The following ATP5F1C variants were observed in gnomAD, a reference collection of about 807,000 sequenced individuals.
ATP5F1C encodes the protein ATP synthase F(1) complex subunit gamma, mitochondrial.
Under a neutral mutation model 37.4 loss-of-function variants are expected in ATP5F1C, and 22 were observed. That is an observed-to-expected ratio of 0.59 (90% CI 0.42 to 0.84). ATP5F1C has a LOEUF of 0.84. Among genes scored for constraint, ATP5F1C ranks in the 40% least tolerant of loss-of-function variants. ATP5F1C has a pLI of 0.00. For missense variants in ATP5F1C, 286 were observed against 362.4 expected (o/e 0.79, Z 1.71); for synonymous variants, 121 against 128.0 (o/e 0.95, Z 0.37).
At chr10:7,805,327 T>C (rs1367389207) in intron 8 of ATP5F1C, among the ~76,000 whole-genome samples, 1 of 152,214 alleles carries the variant, frequency 6.6e-6, no homozygotes, top group Non-Finnish European at 1.5e-5. Context: ...TTCTGAAGGT[T>C]TGTGGGCTGT....
At chr10:7,805,764 A>G (rs915003382) in intron 8 of ATP5F1C, among the ~76,000 whole-genome samples, 3 of 151,630 alleles carry the variant, frequency 2.0e-5, no homozygotes, top group East Asian at 1.9e-4. Context: ...AAAAAAAAAA[A>G]AAAAAGAAAT....
At chr10:7,807,488 C>T (rs542117345) in intron 9 of ATP5F1C, among the ~76,000 whole-genome samples, 171 bp from the exon 10 acceptor site, 1 of 152,228 alleles carries the variant, frequency 6.6e-6, no homozygotes, top group East Asian at 1.9e-4. Context: ...CCTCATGAAC[C>T]CCATGAAAGG....
At chr10:7,792,222 G>C (rs1380647960) in intron 1 of ATP5F1C, among the ~76,000 whole-genome samples, 2 of 152,130 alleles carry the variant, frequency 1.3e-5, no homozygotes, top group Non-Finnish European at 2.9e-5. Flanking sequence ...GTCAGGATTT[G>C]CCAGCTTTTA....
chr10:7,807,041 T>A, intron 9 of ATP5F1C, 31 bp downstream of exon 9: 1 of 1,586,752 alleles, frequency 6.3e-7, no homozygotes, highest in African/African-American at 1.3e-5. Context: ...CCATGTCTGT[T>A]CAGAAAAGAA....
chr10:7,791,307 A>C (rs1031323647), intron 1 of ATP5F1C, among the ~76,000 whole-genome samples: 1 of 152,024 alleles, frequency 6.6e-6, no homozygotes, highest in East Asian at 1.9e-4. Flanking sequence ...TCAAAAACAA[A>C]AAAAAAAAGA....
In ATP5F1C at chr10:7,799,118, G is replaced by A. The variant is rs1588500208; in HGVS notation, c.352G>A (p.Val118Ile). 4 of 1,613,956 alleles carry A rather than the reference G, an allele frequency of 2.5e-6. No homozygotes were observed. Among genetic ancestry groups the A allele is most frequent in the Non-Finnish European group, 3.4e-6 (4 of 1,179,956 alleles). The change falls in exon 4 of 10, where the codon GTT (valine) becomes ATT (isoleucine). Residue 118 changes from valine (V) to isoleucine (I), a missense_variant. Physicochemically the swap from Val to Ile is conservative, Grantham distance 29 (BLOSUM62 3). Coordinates refer to ENST00000356708, the MANE Select transcript of ATP5F1C (RefSeq NM_001001973.3). ...CATTGCTAAACAGATGAAAAGCGAG[G>A]TTGCTACACTAACAGCAGCTGGGAA... is the stretch of plus-strand genomic sequence containing the variant. ...SSIAKQMKSE[V>I]ATLTAAGKEV...
Position 7,797,045 on chromosome 10 carries a change from A to C in ATP5F1C, c.92-2A>C. On this transcript the variant is annotated splice_acceptor_variant, in intron 2 of 9. Transcript: ENST00000356708. LOFTEE classifies it high-confidence loss of function. Reference sequence around the variant, plus strand: ...TCTTAACACAGTACTTCTATTTTTCAGTCACCAGGAGACTAAAGTCCATCA... The same window carrying C: ...TCTTAACACAGTACTTCTATTTTTCCGTCACCAGGAGACTAAAGTCCATCA... The C allele has an allele frequency of 6.2e-7, 1 of 1,612,722 alleles. No individual in the cohort carries two copies. The highest frequency in any genetic ancestry group is 8.5e-7 in the Non-Finnish European group (1 of 1,179,460).
intron 1 of ATP5F1C, among the ~76,000 whole-genome samples, chr10:7,791,104 A>T (rs1836155969): frequency 2.6e-5 from 4 of 152,182 alleles, no homozygotes; most frequent in Admixed American, 2.6e-4. Flanking sequence ...GATCAAGACC[A>T]TACTGGCCAA....
chr10:7,807,544 T>G, intron 9 of ATP5F1C, 115 bp from the exon 10 acceptor site: 1 of 1,278,248 alleles, frequency 7.8e-7, no homozygotes, highest in Non-Finnish European at 1.1e-6. Flanking sequence ...GGTAACACTT[T>G]ATTGTGTAAA....
At chr10:7,807,408 A>G (rs1836503689) in intron 9 of ATP5F1C, among the ~76,000 whole-genome samples, 1 of 152,192 alleles carries the variant, frequency 6.6e-6, no homozygotes, top group Non-Finnish European at 1.5e-5. Flanking sequence ...TGGCCTCTGG[A>G]AAACTCTACT....
Position 7,802,507 on chromosome 10 carries a change from G to T in ATP5F1C, c.793+82G>T, listed in dbSNP as rs1391436798. Reference sequence around the variant, plus strand: ...TCAGCTGAGAGGAGTCCGTGGCCGAGAGTAGCATCAACAACATTAACATGA... The same window carrying T: ...TCAGCTGAGAGGAGTCCGTGGCCGATAGTAGCATCAACAACATTAACATGA... On this transcript the variant is annotated intron_variant, in intron 7 of 9. Coordinates refer to ENST00000356708, the MANE Select transcript of ATP5F1C (RefSeq NM_001001973.3). 8.8e-6 allele frequency: 13 copies of T among 1,480,214 alleles called. 1 individual carries two copies. Among genetic ancestry groups the T allele is most frequent in the Non-Finnish European group, 1.1e-5 (12 of 1,096,546 alleles). 91.7% of individuals were successfully genotyped at this position (1,480,214 alleles called of 1,614,324 possible).
At chr10:7,806,157 G>T (rs1836476149) in intron 8 of ATP5F1C, among the ~76,000 whole-genome samples, 2 of 152,230 alleles carry the variant, frequency 1.3e-5, no homozygotes, top group Non-Finnish European at 2.9e-5. Flanking sequence ...ACTTAGCTAT[G>T]CAGTGCCAAG....
Position 7,802,313 on chromosome 10 carries a change from A to G in ATP5F1C, c.681A>G (p.Gln227=). The change falls in exon 7 of 10, where the codon CAA becomes CAG. Residue 227 remains glutamine, a synonymous_variant. Coordinates refer to ENST00000356708, the MANE Select transcript of ATP5F1C (RefSeq NM_001001973.3). ...IYDDIDADVL[Q]NYQEYNLANI... ...ACGATATTGATGCTGACGTGCTGCA[A>G]AATTACCAAGAATACAATCTGGCCA... 2 of 1,613,980 alleles carry G rather than the reference A, an allele frequency of 1.2e-6. No homozygotes were observed. The highest frequency in any genetic ancestry group is 2.2e-5 in the East Asian group (1 of 44,888).
intron 1 of ATP5F1C, among the ~76,000 whole-genome samples, chr10:7,792,422 T>C (rs769485820): frequency 5.3e-5 from 8 of 152,216 alleles, no homozygotes; most frequent in Non-Finnish European, 8.8e-5. Flanking sequence ...CTTTTTGTTA[T>C]ACAGTTCCAC....
At chr10:7,799,945 T>TAG (rs1457463328) in intron 5 of ATP5F1C, 30 bp downstream of exon 5, 2 of 1,606,210 alleles carry the variant, frequency 1.2e-6, no homozygotes, top group Non-Finnish European at 1.7e-6. Context: ...CAAAGCTTTT[T>TAG]TATGTTCATG....
intron 8 of ATP5F1C, among the ~76,000 whole-genome samples, chr10:7,805,478 G>T (rs1244435): frequency 0.42 from 64,218 of 151,882 alleles, 13,707 homozygotes; most frequent in South Asian, 0.55. Context: ...CCGGGCGCAG[G>T]GGCTGACGCC....
chr10:7,797,131 C>T lies in ATP5F1C; in HGVS notation c.176C>T (p.Ala59Val). 1 of 1,614,102 alleles carries T rather than the reference C, an allele frequency of 6.2e-7. No homozygotes were observed. Among genetic ancestry groups the T allele is most frequent in the Non-Finnish European group, 8.5e-7 (1 of 1,180,020 alleles). Residue 59 changes from alanine (A) to valine (V), a missense_variant, in exon 3 of 10, where the codon GCT (alanine) becomes GTT (valine). By Grantham distance (64) the Ala-to-Val change is moderately conservative. Coordinates refer to ENST00000356708, the MANE Select transcript of ATP5F1C (RefSeq NM_001001973.3). Reference protein sequence around the residue: ...KMVAAAKYARAERELKPARIY... With the variant: ...KMVAAAKYARVERELKPARIY... ...GTAGCGGCAGCAAAATATGCCCGAGCTGAGAGAGAGCTGAAACCAGCTCGA... is the reference window on the plus strand; with the variant it reads ...GTAGCGGCAGCAAAATATGCCCGAGTTGAGAGAGAGCTGAAACCAGCTCGA...
chr10:7,795,649 A>G (rs1836225612), intron 1 of ATP5F1C, among the ~76,000 whole-genome samples: 1 of 152,232 alleles, frequency 6.6e-6, no homozygotes, highest in African/African-American at 2.4e-5. Context: ...TGAAAAAGTT[A>G]AGAATCAGTT....
chr10:7,791,304 CAAAA>C (rs970577111), intron 1 of ATP5F1C, among the ~76,000 whole-genome samples: 1 of 139,308 alleles, frequency 7.2e-6, no homozygotes, highest in African/African-American at 2.6e-5. Context: ...ATCTCAAAAA[CAAAA>C]AAAAAAAGAT....
Sources: allele counts gnomAD v4.1 joint callset (sites outside exome capture counted in the v4.1 genomes callset), GRCh38; gene constraint gnomAD v4.1.1; transcripts MANE v1.5; gene names NCBI Gene and HGNC (gene_info 2026-07-23, HGNC 2026-07-21).